The following AK9 variants were observed in gnomAD, a reference collection of about 807,000 sequenced individuals.
AK9 encodes the protein adenylate kinase domain containing 1.
Under a neutral mutation model 239.6 loss-of-function variants are expected in AK9, and 191 were observed. The observed-to-expected ratio is 0.80, with a 90% CI of 0.71 to 0.90. The LOEUF is 0.90. AK9 is among the 40% of genes least tolerant of loss of function. The pLI is 0.00. For missense variants in AK9, 1,995 were observed against 2,214.7 expected (o/e 0.90, Z 1.99); for synonymous variants, 689 against 721.0 (o/e 0.96, Z 0.71).
rs1049684385 is a variant in AK9, at chr6:109,516,563, T to C, written c.3713A>G (p.Asp1238Gly). The change falls in exon 30 of 41, where the codon GAT (aspartate) becomes GGT (glycine). Residue 1238 changes from aspartate (D) to glycine (G), a missense_variant. Physicochemically the swap from Asp to Gly is moderately conservative, Grantham distance 94. Coordinates refer to ENST00000424296, the MANE Select transcript of AK9 (RefSeq NM_001145128.3). ...DNDDIENILEDEFPKDEEEMS... is the reference protein window; with the variant it reads ...DNDDIENILEGEFPKDEEEMS... ...CTCTTCCTCATCTTTTGGAAACTCA[T>C]CTTCAAGGATGTTTTCAATATCATC... is the stretch of plus-strand genomic sequence containing the variant. 1 of 1,551,412 alleles carries C rather than the reference T, an allele frequency of 6.4e-7. No homozygotes were observed. The highest frequency in any genetic ancestry group is 8.7e-7 in the Non-Finnish European group (1 of 1,146,966).
chr6:109,675,834 G>A (rs2128341774), intron 1 of AK9, 78 bp from the exon 2 acceptor site: 2 of 816,390 alleles, frequency 2.4e-6, no homozygotes. Flanking sequence ...GAAATAACCT[G>A]TGAGTTTTCT....
intron 19 of AK9, among the ~76,000 whole-genome samples, chr6:109,583,137 A>G (rs1293382732): frequency 2.6e-5 from 4 of 152,200 alleles, no homozygotes; most frequent in Non-Finnish European, 5.9e-5. Flanking sequence ...GGTGGCCTGG[A>G]ACCAAACCTG....
intron 12 of AK9, among the ~76,000 whole-genome samples, chr6:109,629,279 A>C (rs1338289560): frequency 6.6e-6 from 1 of 152,064 alleles, no homozygotes; most frequent in African/African-American, 2.4e-5. Context: ...TTTATAATGC[A>C]TTATACCTTG....
chr6:109,649,734 C>T (rs886925362), intron 8 of AK9, among the ~76,000 whole-genome samples: 4 of 152,124 alleles, frequency 2.6e-5, no homozygotes, highest in African/African-American at 9.7e-5. Context: ...GAAAAAACTA[C>T]TTTAAAGTTC....
At chr6:109,655,496 A>C (rs1192682076) in intron 8 of AK9, among the ~76,000 whole-genome samples, 1 of 152,142 alleles carries the variant, frequency 6.6e-6, no homozygotes, top group African/African-American at 2.4e-5. Context: ...TTTTAGTTTG[A>C]GTGTGGTTTC....
At chr6:109,659,632 A>G (rs1403634175) in intron 6 of AK9, among the ~76,000 whole-genome samples, 1 of 152,148 alleles carries the variant, frequency 6.6e-6, no homozygotes, top group African/African-American at 2.4e-5. Flanking sequence ...GTCCAAAATT[A>G]ATATAGGTGA....
intron 17 of AK9, among the ~76,000 whole-genome samples, chr6:109,594,554 A>T (rs997376670): frequency 6.6e-6 from 1 of 152,206 alleles, no homozygotes; most frequent in Non-Finnish European, 1.5e-5. Flanking sequence ...TATAGCCAAG[A>T]CAATCCTAAG....
At chr6:109,600,049 C>T (rs560085093) in intron 17 of AK9, among the ~76,000 whole-genome samples, 9 of 152,270 alleles carry the variant, frequency 5.9e-5, no homozygotes, top group African/African-American at 2.2e-4. Flanking sequence ...TTCCTCTTTT[C>T]CTAATTGAAT....
At chr6:109,633,931 C>A (rs987084259) in intron 10 of AK9, among the ~76,000 whole-genome samples, 8 of 152,074 alleles carry the variant, frequency 5.3e-5, no homozygotes, top group Admixed American at 4.6e-4. Context: ...TGGGAACATG[C>A]TTATTTTATT....
intron 12 of AK9, among the ~76,000 whole-genome samples, chr6:109,625,790 G>A (rs2128258393): frequency 6.6e-6 from 1 of 152,264 alleles, no homozygotes; most frequent in South Asian, 2.1e-4. Flanking sequence ...ATGTGTGTAG[G>A]TGTGGTTTTC....
At chr6:109,568,963 T>C (rs1026191923) in intron 21 of AK9, among the ~76,000 whole-genome samples, 5 of 152,124 alleles carry the variant, frequency 3.3e-5, no homozygotes, top group African/African-American at 7.2e-5. Flanking sequence ...AAAGAGCCCG[T>C]ATTGCCAAGA....
chr6:109,633,550 C>T (rs947659502), intron 10 of AK9, among the ~76,000 whole-genome samples: 1 of 152,100 alleles, frequency 6.6e-6, no homozygotes, highest in African/African-American at 2.4e-5. Context: ...CCTTGTTTTA[C>T]AAAGAACTAG....
At chr6:109,604,806 CT>C (rs1792619197) in intron 17 of AK9, among the ~76,000 whole-genome samples, 1 of 152,064 alleles carries the variant, frequency 6.6e-6, no homozygotes, top group Non-Finnish European at 1.5e-5. Flanking sequence ...AAGATTTTAT[CT>C]TTACATTTAA....
intron 25 of AK9, among the ~76,000 whole-genome samples, chr6:109,547,729 C>T (rs1783756932): frequency 6.7e-6 from 1 of 148,272 alleles, no homozygotes; most frequent in African/African-American, 2.5e-5. Flanking sequence ...CTCTGTATCA[C>T]AAAGAAAATA....
In AK9 at chr6:109,573,428, C is replaced by T; in HGVS notation, c.2344+14G>A. On this transcript the variant is annotated intron_variant, in intron 21 of 40. Coordinates refer to ENST00000424296, the MANE Select transcript of AK9 (RefSeq NM_001145128.3). ...ATGAGTAGAATTAAGAACTTGCTAT[C>T]AATAAAGTCTAACCTGCTTCAGGCT... 6.5e-7 allele frequency: 1 copy of T among 1,538,326 alleles called. No individual in the cohort carries two copies. Among genetic ancestry groups the T allele is most frequent in the Non-Finnish European group, 8.8e-7 (1 of 1,141,548 alleles).
intron 3 of AK9, among the ~76,000 whole-genome samples, chr6:109,672,410 T>C (rs1011218769): frequency 1.3e-5 from 2 of 152,174 alleles, no homozygotes; most frequent in Non-Finnish European, 2.9e-5. Context: ...GAAGCGAACA[T>C]GGTGACTCAT....
chr6:109,563,668 C>T lies in AK9; in HGVS notation c.2680G>A (p.Glu894Lys). ...GTCTGGTAGTCTTCTGTTTCTTCCTCATAATCTTCCCCAGTTAACTCCCAT... is the reference window on the plus strand; with the variant it reads ...GTCTGGTAGTCTTCTGTTTCTTCCTTATAATCTTCCCCAGTTAACTCCCAT... ...TAWELTGEDYEEETEDYQTEA... is the reference protein window; with the variant it reads ...TAWELTGEDYKEETEDYQTEA... The change falls in exon 24 of 41, where the codon GAG becomes AAG. Residue 894 changes from glutamate to lysine, a missense_variant. Coordinates refer to ENST00000424296, the MANE Select transcript of AK9 (RefSeq NM_001145128.3). The T allele has an allele frequency of 6.4e-7, 1 of 1,550,894 alleles. No homozygotes were observed. Among genetic ancestry groups the T allele is most frequent in the South Asian group, 1.2e-5 (1 of 84,040 alleles).
chr6:109,684,421 T>G (rs1187348930), intron 1 of AK9, among the ~76,000 whole-genome samples: 1 of 150,004 alleles, frequency 6.7e-6, no homozygotes, highest in Non-Finnish European at 1.5e-5. Context: ...ATTAAAGAGG[T>G]TCTGCACAGC....
intron 3 of AK9, among the ~76,000 whole-genome samples, chr6:109,673,205 TTG>T (rs1279728222): frequency 2.6e-5 from 4 of 151,366 alleles, no homozygotes; most frequent in Admixed American, 6.6e-5. Flanking sequence ...ACTTTTAGAG[TTG>T]TGTGTGTGTG....
Sources: allele counts gnomAD v4.1 joint callset (sites outside exome capture counted in the v4.1 genomes callset), GRCh38; gene constraint gnomAD v4.1.1; transcripts MANE v1.5; gene names NCBI Gene and HGNC (gene_info 2026-07-23, HGNC 2026-07-21).